Variants in MICU2 observed in about 807,000 individuals in gnomAD.
The protein encoded by MICU2 is mitochondrial calcium uptake 2.
Under a neutral mutation model 60.4 loss-of-function variants are expected in MICU2, and 64 were observed. The ratio of observed to expected loss-of-function variants is 1.06; its 90% CI spans 0.87 to 1.31. The LOEUF is 1.31. Among genes scored for constraint, MICU2 ranks in the 50% most tolerant of loss-of-function variants. The pLI, the probability that MICU2 is intolerant of heterozygous loss-of-function variation, is 0.00. For synonymous variants in MICU2, 201 were observed against 175.0 expected, an observed-to-expected ratio of 1.15 and a Z score of -1.17; for missense variants, 569 against 531.0, an observed-to-expected ratio of 1.07 and a Z score of -0.70.
chr13:21,539,155 C>G (rs943438354), intron 4 of MICU2, 147 bp downstream of exon 4: 1 of 651,582 alleles, frequency 1.5e-6, no homozygotes, highest in Non-Finnish European at 2.6e-6. Flanking sequence ...TGTAATTGCT[C>G]AAAGACTTTG....
intron 2 of MICU2, among the ~76,000 whole-genome samples, chr13:21,558,859 CCCCAGAACTAGCCTCA>C (rs1887770146): frequency 1.3e-5 from 2 of 152,050 alleles, no homozygotes; most frequent in Non-Finnish European, 2.9e-5. Context: ...CAGCTGCACT[CCCCAGAACTAGCCTCA>C]AAAACAAGTA....
chr13:21,548,861 T>A (rs1219391265), intron 2 of MICU2, among the ~76,000 whole-genome samples: 1 of 151,428 alleles, frequency 6.6e-6, no homozygotes, highest in Non-Finnish European at 1.5e-5. Context: ...TATCGCCGTA[T>A]CTCAGACCTT....
intron 4 of MICU2, chr13:21,531,104 T>C (rs541597603): frequency 3.6e-4 from 344 of 953,798 alleles, no homozygotes; most frequent in African/African-American, 2.6e-3. Context: ...AACCAAGGCA[T>C]AGTTCCCCCT....
In MICU2 at chr13:21,566,819, T is replaced by A; in HGVS notation, c.336A>T (p.Ser112=). The change falls in exon 2 of 12, where the codon TCA becomes TCT. Residue 112 remains serine, a synonymous_variant. Transcript: ENST00000382374. ...YYMTPRDFLF[S]VMFEQMERKT... The stretch of plus-strand genomic sequence containing the variant: ...CACGTTCCATTTGCTCAAACATCAC[T>A]GAGAAGAGGAAGTCTCGTGGTGTCA... 1 of 1,597,942 alleles carries A rather than the reference T, an allele frequency of 6.3e-7. No homozygotes were observed. The highest frequency in any genetic ancestry group is 8.5e-7 in the Non-Finnish European group (1 of 1,173,076).
intron 1 of MICU2, among the ~76,000 whole-genome samples, chr13:21,584,424 A>G (rs75866477): frequency 0.023 from 3,427 of 151,908 alleles, 106 homozygotes; most frequent in African/African-American, 0.073. Flanking sequence ...TCCAGGGTAC[A>G]TACAGCTAAG....
intron 8 of MICU2, among the ~76,000 whole-genome samples, chr13:21,505,943 T>C (rs1227405087): frequency 1.3e-5 from 2 of 152,134 alleles, no homozygotes; most frequent in Non-Finnish European, 2.9e-5. Flanking sequence ...CCATGCACCA[T>C]GTAAGTACCT....
intron 1 of MICU2, among the ~76,000 whole-genome samples, chr13:21,601,914 G>A (rs149469509): frequency 1.3e-5 from 2 of 151,768 alleles, no homozygotes; most frequent in African/African-American, 2.4e-5. Context: ...GACCATCCTG[G>A]CCAACATGGT....
chr13:21,493,353 C>T lies in MICU2; in HGVS notation c.1201G>A (p.Val401Ile), dbSNP rs1200744552. The T allele has an allele frequency of 5.6e-6, 9 of 1,595,488 alleles. No homozygotes were observed. ...TCTTGTATACTCTGATGTTGTGGTA[C>T]CTGTTAACCGAAAGTAAAAATCAAG... The part of the protein sequence containing the change: ...LKNRMHRGLW[V>I]PQHQSIQEYW... Residue 401 changes from valine (V) to isoleucine (I), a missense_variant and splice_region_variant, in exon 12 of 12, where the codon GTA becomes ATA. By Grantham distance (29) the Val-to-Ile change is conservative. Transcript: ENST00000382374.
intron 1 of MICU2, among the ~76,000 whole-genome samples, chr13:21,590,598 C>T (rs190664647): frequency 4.4e-4 from 67 of 152,304 alleles, no homozygotes; most frequent in African/African-American, 1.5e-3. Flanking sequence ...AAGAATTGGT[C>T]GGGCGTGGTG....
At chr13:21,599,989 A>C (rs1445408813) in intron 1 of MICU2, among the ~76,000 whole-genome samples, 1 of 152,228 alleles carries the variant, frequency 6.6e-6, no homozygotes. Context: ...TAAATGAAGA[A>C]AACATTAAAC....
intron 1 of MICU2, among the ~76,000 whole-genome samples, chr13:21,574,590 C>T (rs1738018550): frequency 6.6e-6 from 1 of 152,182 alleles, no homozygotes; most frequent in South Asian, 2.1e-4. Flanking sequence ...AGTTAGTTCT[C>T]TGTTCTTTGT....
chr13:21,570,300 A>C (rs1390277657), intron 1 of MICU2, among the ~76,000 whole-genome samples: 4 of 144,896 alleles, frequency 2.8e-5, no homozygotes, highest in Non-Finnish European at 4.8e-5. Flanking sequence ...ACGGTAGTAG[A>C]ATTTTAAAAG....
chr13:21,497,201 A>G (rs28578043), intron 9 of MICU2, among the ~76,000 whole-genome samples: 1 of 133,790 alleles, frequency 7.5e-6, no homozygotes, highest in Non-Finnish European at 1.6e-5. Flanking sequence ...GGTGAAAAAG[A>G]AAAAAAAAAA....
intron 4 of MICU2, among the ~76,000 whole-genome samples, chr13:21,528,381 G>GT (rs1468817016): frequency 1.3e-5 from 2 of 152,088 alleles, no homozygotes; most frequent in Non-Finnish European, 2.9e-5. Context: ...AACATTTAGT[G>GT]TTTTTTTCTT....
chr13:21,599,222 G>A (rs1436233506), intron 1 of MICU2, among the ~76,000 whole-genome samples: 1 of 152,132 alleles, frequency 6.6e-6, no homozygotes, highest in Non-Finnish European at 1.5e-5. Context: ...AATTCCTGCA[G>A]GAAAGAAGTA....
chr13:21,577,982 T>G (rs916630685), intron 1 of MICU2, among the ~76,000 whole-genome samples: 1 of 132,780 alleles, frequency 7.5e-6, no homozygotes, highest in Non-Finnish European at 1.7e-5. Context: ...CCAAAAAAAA[T>G]TTAAAATAAT....
At chr13:21,538,562 CA>C (rs71650194) in intron 4 of MICU2, among the ~76,000 whole-genome samples, 43 of 102,192 alleles carry the variant, frequency 4.2e-4, no homozygotes, top group African/African-American at 1.1e-3. Context: ...GACCCTGTCT[CA>C]AAAAAAAAAA....
chr13:21,595,348 A>G (rs1888670141), intron 1 of MICU2, among the ~76,000 whole-genome samples: 2 of 152,204 alleles, frequency 1.3e-5, no homozygotes, highest in African/African-American at 4.8e-5. Flanking sequence ...CTTTCCTCTC[A>G]GGTCTCAGTC....
At chr13:21,511,879 C>A (rs1886436988) in intron 7 of MICU2, among the ~76,000 whole-genome samples, 1 of 151,382 alleles carries the variant, frequency 6.6e-6, no homozygotes, top group Admixed American at 6.6e-5. Context: ...TTTGCCATAT[C>A]AATTGTGTTT....
Sources: gnomAD v4.1 joint callset for allele counts (sites outside exome capture counted in the v4.1 genomes callset) on GRCh38, gnomAD v4.1.1 for gene constraint, MANE v1.5 for transcripts, NCBI Gene and HGNC (gene_info 2026-07-23, HGNC 2026-07-21) for gene names.